Variants in FCGR3B observed in about 807,000 individuals in gnomAD.
FCGR3B encodes low affinity immunoglobulin gamma Fc region receptor III-B.
FCGR3B carries 20 observed loss-of-function variants against 26.7 expected under a neutral mutation model. The observed-to-expected ratio is 0.75, with a 90% confidence interval of 0.53 to 1.09. FCGR3B has a LOEUF of 1.09. Ranked by LOEUF, FCGR3B falls within the 50% of genes least tolerant of loss-of-function variation. FCGR3B has a pLI of 0.00. For synonymous variants in FCGR3B, 79 were observed against 107.0 expected, an observed-to-expected ratio of 0.74 and a Z score of 1.62; for missense variants, 191 against 279.7, an observed-to-expected ratio of 0.68 and a Z score of 2.26.
chr1:161,626,415 G>C lies in FCGR3B; in HGVS notation c.320-13C>G. ...AGCAACAGCCAGCCTGAAAGACACA[G>C]AGACACCCCAGGCCCGGGAGGCCTC... On this transcript the variant is annotated splice_polypyrimidine_tract_variant and intron_variant, in intron 3 of 4. Transcript: ENST00000650385. The C allele has an allele frequency of 6.2e-7, 1 of 1,608,606 alleles. No homozygotes were observed.
Position 161,623,860 on chromosome 1 carries a change from T to A in FCGR3B, c.*655A>T, listed in dbSNP as rs965010055. 1 of 148,834 alleles carries A rather than the reference T, an allele frequency of 6.7e-6. No individual in the cohort carries two copies. Among genetic ancestry groups the A allele is most frequent in the Non-Finnish European group, 1.5e-5 (1 of 67,466 alleles). 9.2% of individuals were successfully genotyped at this position (148,834 alleles called of 1,614,324 possible). A position where few individuals can be genotyped will look rare whatever the true frequency, so the allele number is the denominator to read the frequency against. ...CTCAATTCTACGTCACCCTCATGAT[T>A]TCCTGTTAATTCCACTACGGCTAAT... On this transcript the variant is annotated 3_prime_UTR_variant, in exon 5 of 5. Coordinates refer to ENST00000650385, the MANE Select transcript of FCGR3B (RefSeq NM_001244753.2).
At position 161,624,507 on chromosome 1, in the gene FCGR3B, G is replaced by C. The variant is rs1299426944; in HGVS notation, c.*8C>G. ...AAGTTTATGGTCCTTCCAGTCTCTTGTTGAGCTTCAAATGTTTGTCTTCAC... is the reference window on the plus strand; with the variant it reads ...AAGTTTATGGTCCTTCCAGTCTCTTCTTGAGCTTCAAATGTTTGTCTTCAC... On this transcript the variant is annotated 3_prime_UTR_variant, in exon 5 of 5. Transcript: ENST00000650385. The C allele has an allele frequency of 6.2e-7, 1 of 1,606,810 alleles. No homozygotes were observed. Among genetic ancestry groups the C allele is most frequent in the African/African-American group, 1.4e-5 (1 of 73,206 alleles).
chr1:161,628,785 G>A (rs1310102012), intron 3 of FCGR3B, among the ~76,000 whole-genome samples: 4 of 145,912 alleles, frequency 2.7e-5, no homozygotes, highest in Non-Finnish European at 6.0e-5. Context: ...TTTGCAGGGC[G>A]ACACTGCAGG....
Position 161,623,386 on chromosome 1 carries a change from A to T in FCGR3B, c.*1129T>A, listed in dbSNP as rs1031498586. The T allele has an allele frequency of 2.0e-5, 3 of 150,568 alleles. No homozygotes were observed. The highest frequency in any genetic ancestry group is 2.5e-5 in the African/African-American group (1 of 40,476). The allele number at this position is 150,568 out of a possible 1,614,324, so 9.3% of individuals were successfully genotyped here. ...CCCCACCTCATTGGAACTGACATGA[A>T]GAAGGATTTGAAAGTTTCACAGCGT... On this transcript the variant is annotated 3_prime_UTR_variant, in exon 5 of 5. Transcript: ENST00000650385.
rs532065559 is a variant in FCGR3B, at chr1:161,629,949, C to T, written c.148G>A (p.Ala50Thr). The T allele has an allele frequency of 6.6e-7, 1 of 1,516,578 alleles. No individual in the cohort carries two copies. The highest frequency in any genetic ancestry group is 8.8e-7 in the Non-Finnish European group (1 of 1,139,368). 93.9% of individuals were successfully genotyped at this position (1,516,578 alleles called of 1,614,324 possible). A position where few individuals can be genotyped will look rare whatever the true frequency, so the allele number is the denominator to read the frequency against. The change falls in exon 3 of 5, where the codon GCC becomes ACC. Residue 50 changes from alanine (A) to threonine (T), a missense_variant. Coordinates refer to ENST00000650385, the MANE Select transcript of FCGR3B (RefSeq NM_001244753.2). ...GTGGAATTGTCCTCAGGGGAGTAGG[C>T]TCCCTGGCACTTCAGAGTCACACTG... The part of the protein sequence containing the change: ...KDSVTLKCQG[A>T]YSPEDNSTQW...
upstream of FCGR3B, chr1:161,631,202 T>A: frequency 6.3e-7 from 1 of 1,592,752 alleles, no homozygotes; most frequent in Non-Finnish European, 8.5e-7. Context: ...CCTCCACCCA[T>A]CTCTGTCACC....
upstream of FCGR3B, chr1:161,631,458 A>G: frequency 5.7e-6 from 3 of 525,044 alleles, no homozygotes; most frequent in South Asian, 9.1e-5. Flanking sequence ...CCCAGCACCA[A>G]GAATGGGACA....
chr1:161,630,907 G>T, intron 1 of FCGR3B, 148 bp downstream of exon 1: 1 of 1,444,110 alleles, frequency 6.9e-7, no homozygotes, highest in East Asian at 2.5e-5. Context: ...GCCCCATCTT[G>T]GCTTGTCCTG....
Position 161,624,247 on chromosome 1 carries a change from C to G in FCGR3B, c.*268G>C. The G allele has an allele frequency of 2.3e-6, 1 of 426,074 alleles. No homozygotes were observed. The highest frequency in any genetic ancestry group is 3.5e-5 in the East Asian group (1 of 28,312). 26.4% of individuals were successfully genotyped at this position (426,074 alleles called of 1,614,324 possible). ...TTCAATTTCTAGGAATGCAGCTACT[C>G]ACTGGGGCTTCCCTGCTTGAAGATC... On this transcript the variant is annotated 3_prime_UTR_variant, in exon 5 of 5. Coordinates refer to ENST00000650385, the MANE Select transcript of FCGR3B (RefSeq NM_001244753.2).
At chr1:161,631,630 C>G (rs74127079), upstream of FCGR3B, among the ~76,000 whole-genome samples, 5,708 of 130,080 alleles carry the variant, frequency 0.044, 892 homozygotes, top group African/African-American at 0.15. Context: ...TCTTTGACCA[C>G]TAGCAGTGTC....
intron 4 of FCGR3B, among the ~76,000 whole-genome samples, chr1:161,625,852 G>C (rs1679424148): frequency 6.8e-6 from 1 of 147,970 alleles, no homozygotes; most frequent in Non-Finnish European, 1.5e-5. Context: ...TGTGATTAGG[G>C]TAAGGAAAGA....
chr1:161,628,811 T>A (rs1196746809), intron 3 of FCGR3B, among the ~76,000 whole-genome samples: 2 of 145,010 alleles, frequency 1.4e-5, no homozygotes, highest in Non-Finnish European at 3.0e-5. Context: ...GGCTATGTGG[T>A]AAGATTGTAG....
In FCGR3B at chr1:161,626,233, T is replaced by A; in HGVS notation, c.489A>T (p.Thr163=). The change falls in exon 4 of 5, where the codon ACA becomes ACT. Residue 163 remains threonine (T), a synonymous_variant. Coordinates refer to ENST00000650385, the MANE Select transcript of FCGR3B (RefSeq NM_001244753.2). ...AGAAGTAGGAGCCGCTATCTTTGAGTGTGGCTTTTGGAATGTGGAAGTCAG... is the reference window on the plus strand; with the variant it reads ...AGAAGTAGGAGCCGCTATCTTTGAGAGTGGCTTTTGGAATGTGGAAGTCAG... ...HNSDFHIPKA[T]LKDSGSYFCR... is the part of the protein sequence containing the mutation. 2 of 1,608,488 alleles carry A rather than the reference T, an allele frequency of 1.2e-6. No homozygotes were observed. Among genetic ancestry groups the A allele is most frequent in the African/African-American group, 1.4e-5 (1 of 73,494 alleles).
intron 1 of FCGR3B, 166 bp downstream of exon 1, chr1:161,630,889 C>A: frequency 7.0e-7 from 1 of 1,425,084 alleles, no homozygotes; most frequent in Non-Finnish European, 9.2e-7. Context: ...GCATTCTCCT[C>A]ATTTCTAGCC....
At chr1:161,625,022 T>C (rs1325550379) in intron 4 of FCGR3B, among the ~76,000 whole-genome samples, 1 of 139,030 alleles carries the variant, frequency 7.2e-6, no homozygotes, top group Non-Finnish European at 1.6e-5. Context: ...TTTTGATATA[T>C]TTCCAAACTT....
chr1:161,626,095 G>T, intron 4 of FCGR3B, 50 bp downstream of exon 4: 3 of 1,587,992 alleles, frequency 1.9e-6, no homozygotes, highest in Non-Finnish European at 2.6e-6. Context: ...TGTGAGTGCA[G>T]GTTCCACACA....
At position 161,626,252 on chromosome 1, in the gene FCGR3B, A is replaced by G; in HGVS notation, c.470T>C (p.Phe157Ser). 1 of 1,608,660 alleles carries G rather than the reference A, an allele frequency of 6.2e-7. No homozygotes were observed. Among genetic ancestry groups the G allele is most frequent in the Admixed American group, 1.7e-5 (1 of 59,620 alleles). Residue 157 changes from phenylalanine (F) to serine (S), a missense_variant, in exon 4 of 5, where the codon TTC becomes TCC. This residue lies in a region of FCGR3B where 103 missense variants were observed against 114.5 expected (regional missense o/e 0.90). Transcript: ENST00000650385. The stretch of plus-strand genomic sequence containing the variant: ...TTTGAGTGTGGCTTTTGGAATGTGG[A>G]AGTCAGAATTATGATGAAAATACTT... Reference protein sequence around the residue: ...DRKYFHHNSDFHIPKATLKDS... With the variant: ...DRKYFHHNSDSHIPKATLKDS...
chr1:161,623,279 G>A lies in FCGR3B; in HGVS notation c.*1236C>T, dbSNP rs1254130707. 1 of 150,216 alleles carries A rather than the reference G, an allele frequency of 6.7e-6. No individual in the cohort carries two copies. Among genetic ancestry groups the A allele is most frequent in the Non-Finnish European group, 1.5e-5 (1 of 67,700 alleles). The allele number at this position is 150,216 out of a possible 1,614,324, so 9.3% of individuals were successfully genotyped here. A position where few individuals can be genotyped will look rare whatever the true frequency, so the allele number is the denominator to read the frequency against. ...CAAGATCTTGTAAAATGCTTTATTG[G>A]AACCAAGAAATGTTGCACTGAAAGC... On this transcript the variant is annotated 3_prime_UTR_variant, in exon 5 of 5. Transcript: ENST00000650385.
chr1:161,626,486 T>C, intron 3 of FCGR3B, 84 bp from the exon 4 acceptor site: 1 of 1,249,080 alleles, frequency 8.0e-7, no homozygotes, highest in Non-Finnish European at 1.1e-6. Context: ...ACCACCCAGA[T>C]CCTGAGGCAT....
Sources: gnomAD v4.1 joint callset for allele counts (sites outside exome capture counted in the v4.1 genomes callset) on GRCh38, gnomAD v4.1.1 for gene constraint, gnomAD v4.1.1 regional missense constraint, MANE v1.5 for transcripts, NCBI Gene and HGNC (gene_info 2026-07-23, HGNC 2026-07-21) for gene names.